DSCAM: variants seen among roughly 807,000 people sequenced by gnomAD.
DSCAM encodes cell adhesion molecule DSCAM.
DSCAM carries 47 observed loss-of-function variants against 217.7 expected under a neutral mutation model. The ratio of observed to expected loss-of-function variants is 0.22; its 90% CI spans 0.17 to 0.28. The LOEUF is 0.28. DSCAM is among the 10% of genes least tolerant of loss of function. DSCAM has a pLI of 1.00. For synonymous variants in DSCAM, 1,056 were observed against 1,015.3 expected, an observed-to-expected ratio of 1.04 and a Z score of -0.76; for missense variants, 2,080 against 2,618.3, an observed-to-expected ratio of 0.79 and a Z score of 4.49.
chr21:40,736,271 T>A (rs1406503754), intron 1 of DSCAM, among the ~76,000 whole-genome samples: 1 of 152,134 alleles, frequency 6.6e-6, no homozygotes, highest in Non-Finnish European at 1.5e-5. Context: ...CTGAAGCCCA[T>A]CATTTAGGGG....
intron 3 of DSCAM, among the ~76,000 whole-genome samples, chr21:40,642,033 A>AGT: frequency 1.4e-5 from 1 of 73,656 alleles, no homozygotes. Context: ...GGTGACAGAG[A>AGT]CTCTGTCTCA....
chr21:40,362,016 T>C lies in DSCAM; in HGVS notation c.655+7083A>G, dbSNP rs893043813. Reference sequence around the variant, plus strand: ...CAATTCCCATCTATGAGTGAGAACATGCGGTGTTTGGTTTTTTGTCCTTGC... The same window carrying C: ...CAATTCCCATCTATGAGTGAGAACACGCGGTGTTTGGTTTTTTGTCCTTGC... On this transcript the variant is annotated intron_variant, in intron 4 of 32. Transcript: ENST00000400454. 3.9e-5 allele frequency among the ~76,000 whole-genome samples: 6 copies of C among 152,256 alleles called. 1 individual carries two copies. Among genetic ancestry groups the C allele is most frequent in the African/African-American group, 1.2e-4 (5 of 41,550 alleles).
intron 1 of DSCAM, among the ~76,000 whole-genome samples, chr21:40,811,843 G>A (rs765385517): frequency 1.3e-5 from 2 of 152,318 alleles, no homozygotes; most frequent in East Asian, 1.9e-4. Context: ...TCCCATATGG[G>A]ATAGGCACCT....
chr21:40,101,274 T>G (rs747599552), intron 20 of DSCAM, among the ~76,000 whole-genome samples: 25 of 152,060 alleles, frequency 1.6e-4, no homozygotes, highest in Non-Finnish European at 3.7e-4. Context: ...TCTATCCAAG[T>G]TGAGAAGCAA....
chr21:40,191,581 A>G (rs1410914057), intron 11 of DSCAM, among the ~76,000 whole-genome samples: 4 of 152,306 alleles, frequency 2.6e-5, no homozygotes, highest in South Asian at 4.1e-4. Flanking sequence ...TAAGTGTGCA[A>G]TTCAGTTGTA....
intron 30 of DSCAM, 152 bp from the exon 31 acceptor site, chr21:40,044,427 T>C: frequency 1.4e-6 from 1 of 716,506 alleles, no homozygotes; most frequent in Non-Finnish European, 2.3e-6. Context: ...AGAGGATACT[T>C]TCCCTTTCCT....
chr21:40,199,575 C>T (rs557472889), intron 11 of DSCAM, among the ~76,000 whole-genome samples: 1 of 152,318 alleles, frequency 6.6e-6, no homozygotes, highest in South Asian at 2.1e-4. Flanking sequence ...AATCACCACA[C>T]TGTTTTCCAC....
chr21:40,197,132 T>G (rs2091019804), intron 11 of DSCAM, among the ~76,000 whole-genome samples: 1 of 152,150 alleles, frequency 6.6e-6, no homozygotes, highest in African/African-American at 2.4e-5. Context: ...CTTTTTTTCT[T>G]TTTTGAGACG....
At chr21:40,683,527 G>A (rs1188708544) in intron 3 of DSCAM, among the ~76,000 whole-genome samples, 2 of 151,932 alleles carry the variant, frequency 1.3e-5, no homozygotes, top group African/African-American at 4.8e-5. Flanking sequence ...TAAAACTGGG[G>A]GACCTGAGCA....
At chr21:40,088,262 C>T (rs1340869376) in intron 21 of DSCAM, among the ~76,000 whole-genome samples, 1 of 152,140 alleles carries the variant, frequency 6.6e-6, no homozygotes, top group Non-Finnish European at 1.5e-5. Flanking sequence ...CAGCCTTGAA[C>T]TGATTCAGAG....
chr21:40,256,232 G>T (rs540670620), intron 11 of DSCAM, among the ~76,000 whole-genome samples: 1 of 152,148 alleles, frequency 6.6e-6, no homozygotes, highest in Non-Finnish European at 1.5e-5. Flanking sequence ...ATATGCACAC[G>T]TTAATATGTG....
chr21:40,547,702 G>C (rs545541478), intron 3 of DSCAM, among the ~76,000 whole-genome samples: 197 of 152,254 alleles, frequency 1.3e-3, no homozygotes, highest in Non-Finnish European at 2.1e-3. Context: ...ACCTCTTCCA[G>C]CCTTCAGCAC....
chr21:40,628,888 C>T (rs1406438654), intron 3 of DSCAM, among the ~76,000 whole-genome samples: 1 of 152,182 alleles, frequency 6.6e-6, no homozygotes, highest in Non-Finnish European at 1.5e-5. Context: ...GCTGCAACTA[C>T]AGGCATGCAC....
chr21:40,827,530 G>T (rs559024058), intron 1 of DSCAM, among the ~76,000 whole-genome samples: 7 of 150,714 alleles, frequency 4.6e-5, no homozygotes, highest in Non-Finnish European at 8.8e-5. Context: ...GACTAGAAAT[G>T]TGGAAGTCAT....
chr21:40,741,769 T>G (rs993241726), intron 1 of DSCAM, among the ~76,000 whole-genome samples: 11 of 152,222 alleles, frequency 7.2e-5, no homozygotes. Flanking sequence ...GCTGAGATTT[T>G]TATTTTTTAA....
chr21:40,542,215 G>C (rs577623952), intron 3 of DSCAM, among the ~76,000 whole-genome samples: 4 of 152,222 alleles, frequency 2.6e-5, no homozygotes, highest in African/African-American at 9.6e-5. Flanking sequence ...CTCAAAAAAT[G>C]AATGTTCAGT....
chr21:40,785,871 CA>C (rs1171442439), intron 1 of DSCAM, among the ~76,000 whole-genome samples: 1 of 152,228 alleles, frequency 6.6e-6, no homozygotes, highest in African/African-American at 2.4e-5. Flanking sequence ...TTCCTTTCCA[CA>C]TACTCCCATC....
intron 3 of DSCAM, among the ~76,000 whole-genome samples, chr21:40,485,424 A>G (rs2076019103): frequency 6.6e-6 from 1 of 151,186 alleles, no homozygotes; most frequent in African/African-American, 2.4e-5. Context: ...TTGTATTTTT[A>G]GTAGAGACGG....
At chr21:40,410,831 T>C (rs1047889115) in intron 3 of DSCAM, among the ~76,000 whole-genome samples, 16 of 151,804 alleles carry the variant, frequency 1.1e-4, no homozygotes, top group African/African-American at 3.9e-4. Flanking sequence ...AAGAAGTCAT[T>C]GCCCACAGAC....
Sources: allele counts gnomAD v4.1 joint callset (sites outside exome capture counted in the v4.1 genomes callset), GRCh38; gene constraint gnomAD v4.1.1; transcripts MANE v1.5; gene names NCBI Gene and HGNC (gene_info 2026-07-23, HGNC 2026-07-21).